The following RABGAP1L variants were observed in gnomAD, a reference collection of about 807,000 sequenced individuals.
RABGAP1L encodes RAB GTPase activating protein 1 like, also known as rab GTPase-activating protein 1-like.
In RABGAP1L, 63 loss-of-function variants were observed where a neutral mutation model predicts 137.7. That is an observed-to-expected ratio of 0.46 (90% CI 0.37 to 0.56). The LOEUF (loss-of-function observed/expected upper bound fraction) is 0.56, where lower values mean the gene tolerates loss of function less well. Ranked by LOEUF, RABGAP1L falls within the 20% of genes least tolerant of loss-of-function variation. The pLI is 0.00. For synonymous variants in RABGAP1L, 431 were observed against 433.7 expected (o/e 0.99, Z 0.08); for missense variants, 1,095 against 1,244.0 (o/e 0.88, Z 1.80).
chr1:174,637,583 T>A (rs1453128197), intron 14 of RABGAP1L, 95 bp downstream of exon 14: 28 of 855,508 alleles, frequency 3.3e-5, no homozygotes, highest in African/African-American at 5.1e-5. Flanking sequence ...TCATTTCTTA[T>A]TTGCACTATG....
At chr1:174,527,114 TC>T (rs1358121111) in intron 13 of RABGAP1L, among the ~76,000 whole-genome samples, 1 of 152,138 alleles carries the variant, frequency 6.6e-6, no homozygotes, top group African/African-American at 2.4e-5. Flanking sequence ...TTGTTCAACA[TC>T]CCTGAATCTA....
At chr1:174,389,760 T>G (rs1687071522) in intron 12 of RABGAP1L, among the ~76,000 whole-genome samples, 1 of 152,186 alleles carries the variant, frequency 6.6e-6, no homozygotes, top group Admixed American at 6.5e-5. Context: ...TTCTAGGTGC[T>G]TAAGATATAT....
At chr1:174,177,571 A>G (rs530086174) in intron 1 of RABGAP1L, among the ~76,000 whole-genome samples, 2 of 152,314 alleles carry the variant, frequency 1.3e-5, no homozygotes, top group African/African-American at 2.4e-5. Context: ...TATGTCCTGA[A>G]TGGCATTGCC....
chr1:174,532,356 G>A (rs1180972317), intron 13 of RABGAP1L, among the ~76,000 whole-genome samples: 9 of 151,696 alleles, frequency 5.9e-5, no homozygotes, highest in Non-Finnish European at 8.8e-5. Context: ...CTACAGGTGC[G>A]CACCACCACA....
intron 13 of RABGAP1L, among the ~76,000 whole-genome samples, chr1:174,542,336 C>A (rs536967446): frequency 4.6e-5 from 7 of 152,118 alleles, no homozygotes; most frequent in African/African-American, 1.7e-4. Context: ...GTGTATGTGT[C>A]GAGGAATTTA....
chr1:174,686,483 T>C (rs1678466660), intron 15 of RABGAP1L, among the ~76,000 whole-genome samples: 1 of 152,022 alleles, frequency 6.6e-6, no homozygotes, highest in Admixed American at 6.6e-5. Context: ...GAATCTAGAA[T>C]AGTCAGGTCC....
At chr1:174,815,406 A>G (rs1690293490) in intron 19 of RABGAP1L, among the ~76,000 whole-genome samples, 1 of 152,250 alleles carries the variant, frequency 6.6e-6, no homozygotes, top group South Asian at 2.1e-4. Flanking sequence ...CCTATTTAAG[A>G]TTAAAGATAG....
chr1:174,595,655 G>C (rs537139893), intron 13 of RABGAP1L, among the ~76,000 whole-genome samples: 2 of 149,906 alleles, frequency 1.3e-5, no homozygotes, highest in South Asian at 4.3e-4. Context: ...CTGCCTCCCA[G>C]TTAGGCTGCT....
chr1:174,946,934 A>C (rs1202072896), intron 19 of RABGAP1L, among the ~76,000 whole-genome samples: 1 of 69,808 alleles, frequency 1.4e-5, no homozygotes, highest in Admixed American at 1.5e-4. Flanking sequence ...ATATATATAT[A>C]TATATATGTG....
At chr1:174,944,832 G>A (rs1162584545) in intron 19 of RABGAP1L, among the ~76,000 whole-genome samples, 1 of 152,108 alleles carries the variant, frequency 6.6e-6, no homozygotes, top group Admixed American at 6.5e-5. Flanking sequence ...TCTAAAGTCA[G>A]ATTTACTCAG....
At chr1:174,273,548 CTT>C (rs35854979) in intron 8 of RABGAP1L, among the ~76,000 whole-genome samples, 26 of 145,376 alleles carry the variant, frequency 1.8e-4, no homozygotes, top group African/African-American at 5.0e-4. Flanking sequence ...TCTCTTACAT[CTT>C]TTTTTTTTTT....
intron 11 of RABGAP1L, among the ~76,000 whole-genome samples, chr1:174,321,146 C>T (rs1358428029): frequency 1.3e-5 from 2 of 152,068 alleles, no homozygotes; most frequent in Non-Finnish European, 2.9e-5. Flanking sequence ...TGTAGCACTC[C>T]CAGGCCTATT....
Position 174,757,559 on chromosome 1 carries a change from T to A in RABGAP1L, c.2211+5205T>A, listed in dbSNP as rs530914096. ...ATATATAAATTTATTTATACATAAA[T>A]ATAATAAATATAAATGTAAAACAAA... is the stretch of plus-strand genomic sequence containing the variant. On this transcript the variant is annotated intron_variant, in intron 18 of 25. Coordinates refer to ENST00000681986, the MANE Select transcript of RABGAP1L (RefSeq NM_001366446.1). 2.7e-4 allele frequency among the ~76,000 whole-genome samples: 40 copies of A among 148,646 alleles called. No homozygotes were observed. In the South Asian group the frequency reaches 8.4e-3, roughly 31 times the overall value.
chr1:174,200,921 C>T (rs767786984), intron 1 of RABGAP1L, among the ~76,000 whole-genome samples: 9 of 152,014 alleles, frequency 5.9e-5, no homozygotes, highest in Admixed American at 3.3e-4. Context: ...TTCAGTTATC[C>T]ACATCTGAAG....
intron 11 of RABGAP1L, among the ~76,000 whole-genome samples, chr1:174,358,209 TGAA>T (rs1683807540): frequency 6.6e-6 from 1 of 152,046 alleles, no homozygotes; most frequent in Non-Finnish European, 1.5e-5. Context: ...CGGTGTAAAA[TGAA>T]GAATGCATTT....
chr1:174,632,534 C>G (rs866998122), intron 13 of RABGAP1L, among the ~76,000 whole-genome samples: 93 of 150,680 alleles, frequency 6.2e-4, no homozygotes, highest in African/African-American at 1.8e-3. Flanking sequence ...GTACACCAAT[C>G]AGACGTAGAT....
intron 19 of RABGAP1L, chr1:174,877,396 G>C: frequency 6.4e-7 from 1 of 1,574,190 alleles, no homozygotes; most frequent in Non-Finnish European, 8.6e-7. Flanking sequence ...ACTCAGGTGG[G>C]TGTGTACACT....
At position 174,991,251 on chromosome 1, in the gene RABGAP1L, CTA is replaced by C. The variant is rs1337087780; in HGVS notation, c.*1252_*1253del. On this transcript the variant is annotated 3_prime_UTR_variant, in exon 26 of 26. Coordinates refer to ENST00000681986, the MANE Select transcript of RABGAP1L (RefSeq NM_001366446.1). ...AGGAAATTATTTGATAAGAGCAAAA[CTA>C]TTTTTATTTTATAAACTATTTTGGA... The C allele has an allele frequency of 6.6e-6, 1 of 152,160 alleles. No homozygotes were observed. The highest frequency in any genetic ancestry group is 1.5e-5 in the Non-Finnish European group (1 of 68,012). The allele number at this position is 152,160 out of a possible 1,614,324, so 9.4% of individuals were successfully genotyped here.
chr1:174,536,886 T>C (rs1403471600), intron 13 of RABGAP1L, among the ~76,000 whole-genome samples: 1 of 152,178 alleles, frequency 6.6e-6, no homozygotes, highest in East Asian at 1.9e-4. Flanking sequence ...CATTTAGATA[T>C]TGGATGTTTA....
Sources: allele counts gnomAD v4.1 joint callset (sites outside exome capture counted in the v4.1 genomes callset), GRCh38; gene constraint gnomAD v4.1.1; transcripts MANE v1.5; gene names NCBI Gene and HGNC (gene_info 2026-07-23, HGNC 2026-07-21).